Variants in ADAMTS2 observed in about 807,000 individuals in gnomAD.
ADAMTS2 encodes ADAM metallopeptidase with thrombospondin type 1 motif 2.
ADAMTS2 carries 50 observed loss-of-function variants against 123.0 expected under a neutral mutation model. The observed-to-expected ratio is 0.41, with a 90% CI of 0.32 to 0.51. The LOEUF (loss-of-function observed/expected upper bound fraction) is 0.51. Ranked by LOEUF, ADAMTS2 falls within the 20% of genes least tolerant of loss-of-function variation. ADAMTS2 has a pLI of 0.35. For missense variants in ADAMTS2, 1,494 were observed against 1,705.2 expected, an observed-to-expected ratio of 0.88 and a Z score of 2.18; for synonymous variants, 678 against 695.4, an observed-to-expected ratio of 0.98 and a Z score of 0.39.
chr5:179,137,782 G>T lies in ADAMTS2; in HGVS notation c.1938C>A (p.His646Gln), dbSNP rs867867813. 2 of 1,573,804 alleles carry T rather than the reference G, an allele frequency of 1.3e-6. No individual in the cohort carries two copies. Among genetic ancestry groups the T allele is most frequent in the South Asian group, 2.3e-5 (2 of 85,690 alleles). ...HGDAQHHWLP[H>Q]EHRDAKERCH... is the part of the protein sequence containing the mutation. ...AGAAGGGCTCACCATCCCGGTGCTC[G>T]TGGGGCAGCCAGTGGTGCTGGGCGT... Residue 646 changes from histidine to glutamine, a missense_variant, in exon 12 of 22, where the codon CAC becomes CAA. By Grantham distance (24) the His-to-Gln change is conservative. This residue lies in a region of ADAMTS2 where 953 missense variants were observed against 1,124.7 expected (regional missense o/e 0.85). Coordinates refer to ENST00000251582, the MANE Select transcript of ADAMTS2 (RefSeq NM_014244.5).
chr5:179,247,204 A>T (rs1765820936), intron 3 of ADAMTS2, among the ~76,000 whole-genome samples: 1 of 152,216 alleles, frequency 6.6e-6, no homozygotes, highest in Admixed American at 6.5e-5. Context: ...GAAATTATAA[A>T]AAGGAACCAC....
chr5:179,164,721 C>T (rs1763666536), intron 5 of ADAMTS2, among the ~76,000 whole-genome samples: 1 of 152,178 alleles, frequency 6.6e-6, no homozygotes, highest in Non-Finnish European at 1.5e-5. Context: ...CAGTCCCAAG[C>T]CGTAGCTGGG....
At chr5:179,290,896 C>A (rs750307692) in intron 2 of ADAMTS2, among the ~76,000 whole-genome samples, 22 of 152,200 alleles carry the variant, frequency 1.4e-4, no homozygotes, top group Non-Finnish European at 4.4e-5. Flanking sequence ...AACCGTGTAG[C>A]CGGAGCAATG....
intron 3 of ADAMTS2, among the ~76,000 whole-genome samples, chr5:179,248,934 G>T (rs983786397): frequency 6.6e-6 from 1 of 152,102 alleles, no homozygotes; most frequent in Non-Finnish European, 1.5e-5. Context: ...GCGGCAGAAT[G>T]TGTATTCTTC....
At chr5:179,150,324 T>C (rs1763331365) in intron 10 of ADAMTS2, among the ~76,000 whole-genome samples, 1 of 152,202 alleles carries the variant, frequency 6.6e-6, no homozygotes, top group African/African-American at 2.4e-5. Flanking sequence ...TGAGGGCCTG[T>C]GGGAAGGGGA....
At chr5:179,147,970 G>A (rs187142447) in intron 10 of ADAMTS2, among the ~76,000 whole-genome samples, 197 of 152,250 alleles carry the variant, frequency 1.3e-3, no homozygotes, top group African/African-American at 4.6e-3. Context: ...CCAGGGTCTC[G>A]GAAGGGGCTC....
intron 2 of ADAMTS2, among the ~76,000 whole-genome samples, chr5:179,299,508 A>G (rs556421437): frequency 2.5e-3 from 339 of 134,136 alleles, no homozygotes; most frequent in East Asian, 4.2e-3. Context: ...CAGCCTGGGC[A>G]ACAGATCAAG....
rs565525954 is a variant in ADAMTS2, at chr5:179,225,095, C to G, written c.689-17380G>C. Among the ~76,000 whole-genome samples, 1 of 152,150 alleles carries G rather than the reference C, an allele frequency of 6.6e-6. No homozygotes were observed. The highest frequency in any genetic ancestry group is 1.5e-5 in the Non-Finnish European group (1 of 68,038). On this transcript the variant is annotated intron_variant, in intron 3 of 21. Coordinates refer to ENST00000251582, the MANE Select transcript of ADAMTS2 (RefSeq NM_014244.5). The surrounding 1 kb of genome is among the most constrained non-coding windows in gnomAD (Gnocchi z 4.5). The stretch of plus-strand genomic sequence containing the variant: ...GATGTGTTTTATGGTGGAATCCTCA[C>G]GCAGGGGCCTGAGGAACACTCCCTG...
At chr5:179,309,715 C>G (rs1417544264) in intron 2 of ADAMTS2, among the ~76,000 whole-genome samples, 1 of 137,902 alleles carries the variant, frequency 7.3e-6, no homozygotes, top group Admixed American at 7.5e-5. Context: ...CGAGATCATG[C>G]CATTGTACTC....
chr5:179,326,195 T>TGTGTGC (rs1165334658), intron 2 of ADAMTS2, among the ~76,000 whole-genome samples: 1 of 116,888 alleles, frequency 8.6e-6, no homozygotes, highest in East Asian at 3.3e-4. Flanking sequence ...ATGGCGTTTG[T>TGTGTGC]GTGTGCGTGT....
At chr5:179,125,487 C>T (rs1762837650) in intron 18 of ADAMTS2, among the ~76,000 whole-genome samples, 1 of 152,144 alleles carries the variant, frequency 6.6e-6, no homozygotes, top group Non-Finnish European at 1.5e-5. Flanking sequence ...TCCCAGCCTC[C>T]TTAGGGTCTG....
rs340115 is a variant in ADAMTS2, at chr5:179,317,797, C to A, written c.534+25970G>T. On this transcript the variant is annotated intron_variant, in intron 2 of 21. Transcript: ENST00000251582. The surrounding 1 kb of genome is among the most constrained non-coding windows in gnomAD (Gnocchi z 4.9). ...ACTCCCTGGCCAGACTCATCGCCAG[C>A]TGGGGAGAGTGGAGCAGACGTACAG... is the stretch of plus-strand genomic sequence containing the variant. Among the ~76,000 whole-genome samples, 169 of 152,234 alleles carry A rather than the reference C, an allele frequency of 1.1e-3. 1 individual carries two copies. Among genetic ancestry groups the A allele is most frequent in the African/African-American group, 3.9e-3 (164 of 41,534 alleles).
At position 179,316,152 on chromosome 5, in the gene ADAMTS2, G is replaced by C. The variant is rs939176770; in HGVS notation, c.534+27615C>G. 3.3e-5 allele frequency among the ~76,000 whole-genome samples: 5 copies of C among 152,136 alleles called. No homozygotes were observed. In the East Asian group the frequency reaches 9.7e-4, roughly 29 times the overall value. On this transcript the variant is annotated intron_variant, in intron 2 of 21. Transcript: ENST00000251582. ...AGGGAGGCAGCAGGCAGACATCCAAGTCCCAGACTGGGGCGTGGGCACCGG... is the reference window on the plus strand; with the variant it reads ...AGGGAGGCAGCAGGCAGACATCCAACTCCCAGACTGGGGCGTGGGCACCGG...
intron 3 of ADAMTS2, among the ~76,000 whole-genome samples, chr5:179,215,710 A>G (rs1192078268): frequency 6.6e-6 from 1 of 152,228 alleles, no homozygotes; most frequent in Non-Finnish European, 1.5e-5. Flanking sequence ...GTACATCAAG[A>G]AAGCTGAATC....
chr5:179,275,990 CAG>C (rs1265204132), intron 2 of ADAMTS2, among the ~76,000 whole-genome samples: 2 of 152,166 alleles, frequency 1.3e-5, no homozygotes, highest in Non-Finnish European at 2.9e-5. Context: ...CAGTGGTAAC[CAG>C]AGTTACCAGG....
chr5:179,276,295 C>T (rs973227057), intron 2 of ADAMTS2, among the ~76,000 whole-genome samples: 1 of 152,190 alleles, frequency 6.6e-6, no homozygotes, highest in African/African-American at 2.4e-5. Flanking sequence ...GGGTCCAGCA[C>T]TGATGGTCCC....
chr5:179,187,557 C>A (rs968511483), intron 4 of ADAMTS2, among the ~76,000 whole-genome samples: 1 of 152,174 alleles, frequency 6.6e-6, no homozygotes, highest in Non-Finnish European at 1.5e-5. Flanking sequence ...GGCCTGTGAC[C>A]CCTCTCATGG....
chr5:179,197,988 T>C lies in ADAMTS2; in HGVS notation c.891+9525A>G, dbSNP rs540499495. Reference sequence around the variant, plus strand: ...GCCCAGGCGCTGGCAGAGCAAGTTTTTGAAAATGTGAGAAATACCAAAGCC... The same window carrying C: ...GCCCAGGCGCTGGCAGAGCAAGTTTCTGAAAATGTGAGAAATACCAAAGCC... On this transcript the variant is annotated intron_variant, in intron 4 of 21. Coordinates refer to ENST00000251582, the MANE Select transcript of ADAMTS2 (RefSeq NM_014244.5). The surrounding 1 kb of genome is among the most constrained non-coding windows in gnomAD (Gnocchi z 4.2). Among the ~76,000 whole-genome samples, 12 of 152,278 alleles carry C rather than the reference T, an allele frequency of 7.9e-5. No individual in the cohort carries two copies. Among genetic ancestry groups the C allele is most frequent in the Non-Finnish European group, 1.5e-4 (10 of 68,026 alleles).
At chr5:179,209,214 T>C (rs528716843) in intron 3 of ADAMTS2, among the ~76,000 whole-genome samples, 19 of 151,966 alleles carry the variant, frequency 1.3e-4, no homozygotes, top group African/African-American at 4.6e-4. Flanking sequence ...GCCATTTCCG[T>C]TTTACAGATG....
Sources: allele counts gnomAD v4.1 joint callset (sites outside exome capture counted in the v4.1 genomes callset), GRCh38; gene constraint gnomAD v4.1.1; regional missense constraint gnomAD v4.1.1; non-coding constraint Gnocchi (gnomAD v3.1); transcripts MANE v1.5; gene names NCBI Gene and HGNC (gene_info 2026-07-23, HGNC 2026-07-21).